Variants in DENND1B observed in about 807,000 individuals in gnomAD.
DENND1B encodes the protein DENN domain-containing protein 1B.
Under a neutral mutation model 90.1 loss-of-function variants are expected in DENND1B, and 59 were observed. The observed-to-expected ratio is 0.65, with a 90% CI of 0.53 to 0.81. DENND1B has a LOEUF of 0.81. DENND1B is among the 40% of genes least tolerant of loss of function. The pLI is 0.00. For synonymous variants in DENND1B, 337 were observed against 324.6 expected, an observed-to-expected ratio of 1.04 and a Z score of -0.41; for missense variants, 862 against 912.6, an observed-to-expected ratio of 0.94 and a Z score of 0.71.
chr1:197,645,088 G>A (rs1489218735), intron 9 of DENND1B, among the ~76,000 whole-genome samples: 1 of 151,898 alleles, frequency 6.6e-6, no homozygotes, highest in East Asian at 1.9e-4. Flanking sequence ...TTAAAATACT[G>A]AAAATAGTTC....
chr1:197,742,282 A>G (rs1663282443), intron 2 of DENND1B, among the ~76,000 whole-genome samples: 1 of 152,186 alleles, frequency 6.6e-6, no homozygotes, highest in Non-Finnish European at 1.5e-5. Context: ...TAACAATAAT[A>G]TCAAGGGACA....
intron 11 of DENND1B, among the ~76,000 whole-genome samples, chr1:197,616,439 A>G (rs1300848830): frequency 1.3e-5 from 2 of 151,064 alleles, no homozygotes; most frequent in African/African-American, 2.4e-5. Context: ...ACATTCCTAT[A>G]GTTTCCTGCC....
intron 2 of DENND1B, among the ~76,000 whole-genome samples, chr1:197,756,706 A>G (rs1237502008): frequency 1.3e-5 from 2 of 151,786 alleles, no homozygotes; most frequent in African/African-American, 2.4e-5. Context: ...ACTAATAATA[A>G]ATTTTATTCA....
chr1:197,595,198 A>G lies in DENND1B; in HGVS notation c.1047+10T>C, dbSNP rs750330796. ...AGCAAATTAAAACAGTGATGAAACA[A>G]AACGCTTACAGGTTTGTATCTCAGT... On this transcript the variant is annotated intron_variant, in intron 14 of 22. Coordinates refer to ENST00000620048, the MANE Select transcript of DENND1B (RefSeq NM_001195215.2). The G allele has an allele frequency of 1.9e-6, 3 of 1,599,738 alleles. No individual in the cohort carries two copies. The highest frequency in any genetic ancestry group is 4.5e-5 in the East Asian group (2 of 44,504).
chr1:197,722,209 T>C (rs1661246016), intron 2 of DENND1B, among the ~76,000 whole-genome samples: 1 of 152,120 alleles, frequency 6.6e-6, no homozygotes, highest in South Asian at 2.1e-4. Flanking sequence ...TTTACTTATT[T>C]GGTATTTCAA....
chr1:197,698,273 C>T (rs1658654681), intron 3 of DENND1B, among the ~76,000 whole-genome samples: 1 of 151,868 alleles, frequency 6.6e-6, no homozygotes. Context: ...ACTCGAAACC[C>T]CACAATTACA....
At chr1:197,716,975 A>C (rs1284897238) in intron 2 of DENND1B, among the ~76,000 whole-genome samples, 2 of 151,650 alleles carry the variant, frequency 1.3e-5, no homozygotes, top group African/African-American at 2.4e-5. Context: ...TTTTTCGGAG[A>C]GAGAACAAAT....
chr1:197,660,974 G>C (rs527607156), intron 5 of DENND1B, among the ~76,000 whole-genome samples: 5 of 152,176 alleles, frequency 3.3e-5, no homozygotes, highest in Non-Finnish European at 5.9e-5. Context: ...AGCCCAGACT[G>C]AATCAGGAAT....
intron 2 of DENND1B, among the ~76,000 whole-genome samples, chr1:197,764,007 T>C (rs1655406315): frequency 6.6e-6 from 1 of 152,252 alleles, no homozygotes; most frequent in Admixed American, 6.5e-5. Context: ...TCTTCTGATG[T>C]CTGTTAAGAA....
intron 3 of DENND1B, among the ~76,000 whole-genome samples, chr1:197,700,619 T>A (rs1355119663): frequency 6.6e-6 from 1 of 151,442 alleles, no homozygotes; most frequent in African/African-American, 2.4e-5. Context: ...GTAATTAAAC[T>A]AACAGAAAAA....
chr1:197,572,333 T>C (rs1207154179), intron 15 of DENND1B, among the ~76,000 whole-genome samples: 1 of 152,160 alleles, frequency 6.6e-6, no homozygotes, highest in Non-Finnish European at 1.5e-5. Context: ...CAGTCTGAGA[T>C]TGACCTGTGA....
intron 3 of DENND1B, among the ~76,000 whole-genome samples, chr1:197,687,288 T>C (rs538882413): frequency 3.9e-5 from 6 of 152,296 alleles, no homozygotes; most frequent in African/African-American, 1.4e-4. Context: ...GATAATTAGA[T>C]GAATTTACAA....
chr1:197,610,606 T>A (rs987264645), intron 12 of DENND1B, among the ~76,000 whole-genome samples: 1 of 150,772 alleles, frequency 6.6e-6, no homozygotes, highest in African/African-American at 2.4e-5. Flanking sequence ...TGATGACTTT[T>A]TAGAAGAGAA....
intron 12 of DENND1B, among the ~76,000 whole-genome samples, chr1:197,610,184 C>G (rs1572057160): frequency 6.6e-6 from 1 of 150,708 alleles, no homozygotes; most frequent in African/African-American, 2.4e-5. Context: ...ATGAAAAATA[C>G]AGAGATTTCA....
chr1:197,779,440 T>C (rs1415037355), upstream of DENND1B, among the ~76,000 whole-genome samples: 1 of 152,118 alleles, frequency 6.6e-6, no homozygotes, highest in Non-Finnish European at 1.5e-5. Context: ...TTCTTGACTC[T>C]GGATTGGTGA....
At chr1:197,559,937 A>G (rs749897994) in intron 15 of DENND1B, among the ~76,000 whole-genome samples, 25 of 151,964 alleles carry the variant, frequency 1.6e-4, no homozygotes, top group Non-Finnish European at 2.8e-4. Flanking sequence ...TAAGAAAATT[A>G]AGTATGTGGG....
chr1:197,565,102 C>T (rs749082622), intron 15 of DENND1B, among the ~76,000 whole-genome samples: 3 of 151,980 alleles, frequency 2.0e-5, no homozygotes, highest in South Asian at 2.1e-4. Flanking sequence ...ACTGTTGAAT[C>T]TTCATTTACT....
chr1:197,672,531 T>G (rs1655617382), intron 4 of DENND1B, among the ~76,000 whole-genome samples: 1 of 152,050 alleles, frequency 6.6e-6, no homozygotes, highest in Non-Finnish European at 1.5e-5. Context: ...TTTAGCCTCT[T>G]TTCTTAATTA....
At chr1:197,769,811 A>T (rs1454079518) in intron 2 of DENND1B, among the ~76,000 whole-genome samples, 1 of 152,208 alleles carries the variant, frequency 6.6e-6, no homozygotes, top group Non-Finnish European at 1.5e-5. Context: ...TCAGAGCCTC[A>T]TTAAAACAAA....
Sources: allele counts gnomAD v4.1 joint callset (sites outside exome capture counted in the v4.1 genomes callset), GRCh38; gene constraint gnomAD v4.1.1; transcripts MANE v1.5; gene names NCBI Gene and HGNC (gene_info 2026-07-23, HGNC 2026-07-21).